The following CTNNA3 variants were observed in gnomAD, a reference collection of about 807,000 sequenced individuals.
CTNNA3 encodes catenin alpha 3, also known as catenin alpha-3.
CTNNA3 carries 76 observed loss-of-function variants against 95.7 expected under a neutral mutation model. That is an observed-to-expected ratio of 0.79 (90% CI 0.66 to 0.96). CTNNA3 has a LOEUF of 0.96. Among genes scored for constraint, CTNNA3 ranks in the 40% least tolerant of loss-of-function variants. CTNNA3 has a pLI of 0.00. For missense variants in CTNNA3, 1,191 were observed against 1,089.8 expected (o/e 1.09, Z -1.31); for synonymous variants, 431 against 374.4 (o/e 1.15, Z -1.74).
intron 11 of CTNNA3, among the ~76,000 whole-genome samples, chr10:66,458,731 T>C (rs1227215845): frequency 1.3e-5 from 2 of 152,226 alleles, no homozygotes; most frequent in Non-Finnish European, 2.9e-5. Context: ...TCTTCAATGT[T>C]TATTCATGTT....
rs141219325 is a variant in CTNNA3 at position 66,559,469 on chromosome 10, T to C, written c.1375-38696A>G. On this transcript the variant is annotated intron_variant, in intron 10 of 17. Transcript: ENST00000433211. ...TAAATTGTATCAACTCTGGGTTGGG[T>C]ATTTGCCTTTAGCATCTAGTGAGCA... 9.6e-4 allele frequency among the ~76,000 whole-genome samples: 145 copies of C among 151,782 alleles called. 2 individuals carry two copies. The highest frequency in any genetic ancestry group is 1.4e-3 in the Non-Finnish European group (96 of 67,920).
intron 15 of CTNNA3, among the ~76,000 whole-genome samples, chr10:66,036,501 A>G (rs2079565686): frequency 6.6e-6 from 1 of 151,956 alleles, no homozygotes; most frequent in African/African-American, 2.4e-5. Flanking sequence ...CAGCTTCCCG[A>G]GTAGCTGGGA....
chr10:67,266,105 C>T (rs955926833), intron 5 of CTNNA3, among the ~76,000 whole-genome samples: 15 of 151,986 alleles, frequency 9.9e-5, no homozygotes, highest in Admixed American at 1.3e-4. Context: ...AGCTGATATA[C>T]GCTAGAAAGA....
intron 13 of CTNNA3, among the ~76,000 whole-genome samples, chr10:66,167,088 C>T (rs2085170059): frequency 6.6e-6 from 1 of 152,038 alleles, no homozygotes; most frequent in South Asian, 2.1e-4. Context: ...TGCAATATGC[C>T]TTTCACAAAC....
intron 5 of CTNNA3, among the ~76,000 whole-genome samples, chr10:67,385,387 CATA>C (rs1844114581): frequency 6.6e-6 from 1 of 152,130 alleles, no homozygotes; most frequent in Non-Finnish European, 1.5e-5. Context: ...CTAGAAAAAG[CATA>C]ATAAGGAAAC....
At chr10:66,306,535 T>G (rs573214108) in intron 12 of CTNNA3, among the ~76,000 whole-genome samples, 2 of 152,338 alleles carry the variant, frequency 1.3e-5, no homozygotes, top group South Asian at 4.1e-4. Flanking sequence ...TCTATTGTTT[T>G]GCTAGTAAGC....
intron 14 of CTNNA3, among the ~76,000 whole-genome samples, chr10:66,076,378 T>TA (rs1413602113): frequency 6.6e-6 from 1 of 151,726 alleles, no homozygotes; most frequent in Non-Finnish European, 1.5e-5. Context: ...ATTGGTATCC[T>TA]AAGCATACTA....
intron 7 of CTNNA3, among the ~76,000 whole-genome samples, chr10:66,973,060 G>C (rs1422478598): frequency 6.6e-6 from 1 of 152,190 alleles, no homozygotes; most frequent in Non-Finnish European, 1.5e-5. Context: ...TAATACACTT[G>C]AGGAGGGTTA....
At chr10:67,182,145 C>A (rs1455976904) in intron 6 of CTNNA3, among the ~76,000 whole-genome samples, 2 of 152,118 alleles carry the variant, frequency 1.3e-5, no homozygotes. Flanking sequence ...AATGCCATCC[C>A]CATCAAGCTA....
At chr10:67,615,622 T>C (rs1257785007) in intron 2 of CTNNA3, among the ~76,000 whole-genome samples, 1 of 150,064 alleles carries the variant, frequency 6.7e-6, no homozygotes, top group Non-Finnish European at 1.5e-5. Flanking sequence ...AATAAACAAA[T>C]ACATAAGTAA....
intron 9 of CTNNA3, among the ~76,000 whole-genome samples, chr10:66,634,531 T>G (rs1250411770): frequency 6.6e-6 from 1 of 151,722 alleles, no homozygotes; most frequent in Non-Finnish European, 1.5e-5. Flanking sequence ...ATCTTAATAA[T>G]GAATTTAAAT....
Position 67,392,821 on chromosome 10 carries a change from C to A in CTNNA3, c.579+129021G>T, listed in dbSNP as rs573912868. On this transcript the variant is annotated intron_variant, in intron 5 of 17. Transcript: ENST00000433211. Reference sequence around the variant, plus strand: ...TATCACAAGAACAAAAAACCAAACACCGCATATTCTCACTCATAGGTGGGA... The same window carrying A: ...TATCACAAGAACAAAAAACCAAACAACGCATATTCTCACTCATAGGTGGGA... Among the ~76,000 whole-genome samples the A allele has an allele frequency of 3.3e-5, 5 of 152,144 alleles. No individual in the cohort carries two copies. The East Asian group carries it at 7.8e-4, about 24-fold the overall frequency.
chr10:67,677,480 G>A (rs975821275), intron 1 of CTNNA3, among the ~76,000 whole-genome samples: 3 of 151,900 alleles, frequency 2.0e-5, no homozygotes, highest in Admixed American at 6.6e-5. Context: ...TTATAAACAA[G>A]GAAAAAGGGA....
intron 1 of CTNNA3, among the ~76,000 whole-genome samples, chr10:67,720,535 T>G (rs901066905): frequency 3.9e-5 from 6 of 152,142 alleles, no homozygotes; most frequent in Non-Finnish European, 7.3e-5. Context: ...CAGGAGCTCT[T>G]GTTACGCAGC....
chr10:67,047,694 G>A (rs1165035725), intron 7 of CTNNA3, among the ~76,000 whole-genome samples: 2 of 152,006 alleles, frequency 1.3e-5, no homozygotes, highest in Non-Finnish European at 2.9e-5. Context: ...ATACCCATCA[G>A]CTTTCACATA....
At chr10:66,464,319 C>T (rs879529039) in intron 11 of CTNNA3, among the ~76,000 whole-genome samples, 24 of 152,114 alleles carry the variant, frequency 1.6e-4, no homozygotes, top group Admixed American at 9.2e-4. Context: ...AGGTTTAATG[C>T]TACTGGATCA....
intron 11 of CTNNA3, among the ~76,000 whole-genome samples, chr10:66,515,339 C>G (rs1041899191): frequency 6.9e-6 from 1 of 143,952 alleles, no homozygotes; most frequent in African/African-American, 2.6e-5. Context: ...GTCTCTCTCT[C>G]TCTCTCTATA....
At chr10:65,968,824 C>G (rs533465565) in intron 16 of CTNNA3, among the ~76,000 whole-genome samples, 5 of 152,314 alleles carry the variant, frequency 3.3e-5, no homozygotes, top group African/African-American at 1.2e-4. Flanking sequence ...CTTCCCAGCT[C>G]CATATCTAGG....
intron 7 of CTNNA3, among the ~76,000 whole-genome samples, chr10:66,972,617 T>G (rs935506019): frequency 3.3e-5 from 5 of 152,060 alleles, no homozygotes; most frequent in African/African-American, 1.2e-4. Flanking sequence ...ATAAAGTGCT[T>G]TTTCTAAGTA....
Sources: gnomAD v4.1 joint callset for allele counts (sites outside exome capture counted in the v4.1 genomes callset) on GRCh38, gnomAD v4.1.1 for gene constraint, MANE v1.5 for transcripts, NCBI Gene and HGNC (gene_info 2026-07-23, HGNC 2026-07-21) for gene names.